The following ARHGAP6 variants were observed in gnomAD, a reference collection of about 807,000 sequenced individuals.
The protein encoded by ARHGAP6 is Rho GTPase activating protein 6.
ARHGAP6 carries 16 observed loss-of-function variants against 55.7 expected under a neutral mutation model. That is an observed-to-expected ratio of 0.29 (90% CI 0.19 to 0.44). ARHGAP6 has a LOEUF of 0.44. Ranked by LOEUF, ARHGAP6 falls within the 20% of genes least tolerant of loss-of-function variation. The pLI is 1.00. For missense variants in ARHGAP6, 698 were observed against 808.9 expected (o/e 0.86, Z 1.66); for synonymous variants, 382 against 360.9 (o/e 1.06, Z -0.66).
intron 1 of ARHGAP6, among the ~76,000 whole-genome samples, chrX:11,652,241 C>T (rs942724000): frequency 2.3e-4 from 26 of 111,989 alleles, no homozygotes; most frequent in African/African-American, 7.1e-4. Context: ...TTGTCCTCCA[C>T]GGTTTTTACA....
intron 2 of ARHGAP6, among the ~76,000 whole-genome samples, chrX:11,239,870 G>A (rs1171555970): frequency 1.8e-5 from 2 of 111,932 alleles, no homozygotes; most frequent in East Asian, 2.8e-4. Flanking sequence ...AAAAGGTTTA[G>A]TAATACCATA....
chrX:11,157,867 C>A (rs1237517504), intron 9 of ARHGAP6, among the ~76,000 whole-genome samples: 2 of 111,972 alleles, frequency 1.8e-5, no homozygotes, highest in South Asian at 3.7e-4. Flanking sequence ...TTATCGTGAA[C>A]CTTCATTAAT....
chrX:11,530,136 T>C (rs2051032514), intron 1 of ARHGAP6, among the ~76,000 whole-genome samples: 1 of 110,863 alleles, frequency 9.0e-6, no homozygotes, highest in African/African-American at 3.3e-5. Flanking sequence ...AGATCAAGAG[T>C]TACCTCTTGA....
intron 1 of ARHGAP6, among the ~76,000 whole-genome samples, chrX:11,537,269 G>A (rs1436828828): frequency 8.9e-6 from 1 of 112,303 alleles, no homozygotes; most frequent in Non-Finnish European, 1.9e-5. Flanking sequence ...CAGGGAACAT[G>A]TGGCAATGTC....
intron 1 of ARHGAP6, among the ~76,000 whole-genome samples, chrX:11,277,920 G>A (rs946851085): frequency 9.0e-6 from 1 of 111,459 alleles, no homozygotes; most frequent in East Asian, 2.8e-4. Context: ...ACACAAAATA[G>A]ATCAATAGGC....
chrX:11,241,486 G>A (rs1024566213), intron 2 of ARHGAP6, among the ~76,000 whole-genome samples: 7 of 108,560 alleles, frequency 6.4e-5, no homozygotes, highest in African/African-American at 2.0e-4. Flanking sequence ...AATGGAAAAC[G>A]TATTCAAGCC....
chrX:11,555,052 C>T (rs2051307667), intron 1 of ARHGAP6, among the ~76,000 whole-genome samples: 1 of 112,167 alleles, frequency 8.9e-6, no homozygotes, highest in Admixed American at 9.4e-5. Flanking sequence ...TCTGAAGGGG[C>T]TCACACAACC....
chrX:11,592,923 C>G (rs62588017), intron 1 of ARHGAP6, among the ~76,000 whole-genome samples: 22,118 of 110,721 alleles, frequency 0.2, 1,846 homozygotes, highest in African/African-American at 0.27. Context: ...CATTCTATTA[C>G]AGCATATTTG....
At chrX:11,600,623 A>G (rs878919701) in intron 1 of ARHGAP6, among the ~76,000 whole-genome samples, 1 of 112,191 alleles carries the variant, frequency 8.9e-6, no homozygotes, top group Admixed American at 9.4e-5. Flanking sequence ...GCCCTTACCA[A>G]TGACAAATGA....
rs2052731130 is a variant in ARHGAP6 at position 11,664,328 on chromosome X, G to A, written c.501C>T (p.Phe167=). The part of the protein sequence containing the change: ...CSSGGGPNGI[F]ASPRRWLQQR... ...GCTGGAGCCACCTCCTAGGAGAAGC[G>A]AAGATGCCATTGGGGCCTCCCCCGG... The change falls in exon 1 of 13, where the codon TTC becomes TTT. Residue 167 remains phenylalanine (F), a synonymous_variant. Transcript: ENST00000337414. 3.3e-6 allele frequency: 4 copies of A among 1,211,104 alleles called. No homozygotes were observed. Among genetic ancestry groups the A allele is most frequent in the South Asian group, 3.5e-5 (2 of 56,894 alleles).
intron 1 of ARHGAP6, among the ~76,000 whole-genome samples, chrX:11,535,073 G>A (rs758237514): frequency 4.7e-4 from 52 of 111,181 alleles, no homozygotes; most frequent in African/African-American, 1.5e-3. Context: ...AACCACATAC[G>A]GTATTACATA....
At chrX:11,215,367 A>T (rs1274877394) in intron 2 of ARHGAP6, among the ~76,000 whole-genome samples, 2 of 112,423 alleles carry the variant, frequency 1.8e-5, no homozygotes, top group Admixed American at 1.8e-4. Flanking sequence ...CTCCGCGAGG[A>T]TCCCCCAGAG....
intron 1 of ARHGAP6, among the ~76,000 whole-genome samples, chrX:11,489,370 C>A (rs997045502): frequency 1.8e-5 from 2 of 111,775 alleles, no homozygotes; most frequent in African/African-American, 3.3e-5. Context: ...AAGGAAAGAA[C>A]GCTATTGGAA....
chrX:11,159,532 C>T (rs995624696), intron 9 of ARHGAP6, among the ~76,000 whole-genome samples: 16 of 110,796 alleles, frequency 1.4e-4, no homozygotes, highest in Non-Finnish European at 2.5e-4. Flanking sequence ...GACCTCAATG[C>T]TTGGGGCCTA....
At chrX:11,613,537 G>A (rs1364236131) in intron 1 of ARHGAP6, among the ~76,000 whole-genome samples, 1 of 112,037 alleles carries the variant, frequency 8.9e-6, no homozygotes, top group Non-Finnish European at 1.9e-5. Flanking sequence ...GATTACTAGC[G>A]ACCAGAGCCC....
intron 2 of ARHGAP6, among the ~76,000 whole-genome samples, chrX:11,229,969 T>C (rs5934981): frequency 0.026 from 2,953 of 112,021 alleles, 38 homozygotes; most frequent in Middle Eastern, 0.079. Flanking sequence ...TCATAAAGGA[T>C]TTTCCTTTTA....
intron 1 of ARHGAP6, among the ~76,000 whole-genome samples, chrX:11,625,515 T>C (rs1257956846): frequency 9.0e-6 from 1 of 111,255 alleles, no homozygotes; most frequent in Non-Finnish European, 1.9e-5. Context: ...GTGAATAGAA[T>C]GGTGGTTACC....
chrX:11,177,955 G>A (rs920061790), intron 8 of ARHGAP6, 145 bp downstream of exon 8: 1 of 711,401 alleles, frequency 1.4e-6, no homozygotes, highest in Non-Finnish European at 2.1e-6. Context: ...AGAAGGCCCT[G>A]CATTAGTCTC....
intron 1 of ARHGAP6, among the ~76,000 whole-genome samples, chrX:11,470,166 T>C (rs905532051): frequency 1.8e-5 from 2 of 111,821 alleles, no homozygotes; most frequent in African/African-American, 3.3e-5. Context: ...CATTGATAAA[T>C]AAATGATGAA....
Sources: gnomAD v4.1 joint callset for allele counts (sites outside exome capture counted in the v4.1 genomes callset) on GRCh38, gnomAD v4.1.1 for gene constraint, MANE v1.5 for transcripts, NCBI Gene and HGNC (gene_info 2026-07-23, HGNC 2026-07-21) for gene names.